The following RTN4R variants were observed in gnomAD, a reference collection of about 807,000 sequenced individuals.
The protein encoded by RTN4R is reticulon 4 receptor.
RTN4R carries 4 observed loss-of-function variants against 27.7 expected under a neutral mutation model. The observed-to-expected ratio is 0.14, with a 90% confidence interval of 0.07 to 0.33. The LOEUF is 0.33. Ranked by LOEUF, RTN4R falls within the 10% of genes least tolerant of loss-of-function variation. RTN4R has a pLI of 1.00. For missense variants in RTN4R, 554 were observed against 671.5 expected (o/e 0.83, Z 1.93); for synonymous variants, 290 against 305.6 (o/e 0.95, Z 0.53).
chr22:20,266,063 C>A (rs1388039716), intron 1 of RTN4R, among the ~76,000 whole-genome samples: 2 of 152,238 alleles, frequency 1.3e-5, no homozygotes, highest in Non-Finnish European at 2.9e-5. Context: ...GTGCTGATGG[C>A]CACCCATTCC....
intron 1 of RTN4R, among the ~76,000 whole-genome samples, chr22:20,261,608 A>G (rs2051247591): frequency 6.6e-6 from 1 of 152,210 alleles, no homozygotes; most frequent in Non-Finnish European, 1.5e-5. Flanking sequence ...CCTAACAGCC[A>G]GTCTTGAAGG....
chr22:20,242,397 G>C lies in RTN4R; in HGVS notation c.736C>G (p.Leu246Val). ...NNLSALPTEA[L>V]APLRALQYLR... ...TACTGCAGGGCACGCAGGGGGGCCA[G>C]GGCCTCAGTGGGCAGCGCTGATAGA... Residue 246 changes from leucine (L) to valine (V), a missense_variant, in exon 2 of 2, where the codon CTG (leucine) becomes GTG (valine). This residue lies in a region of RTN4R where 413 missense variants were observed against 542.3 expected (regional missense o/e 0.76). Coordinates refer to ENST00000043402, the MANE Select transcript of RTN4R (RefSeq NM_023004.6). 1.9e-6 allele frequency: 3 copies of C among 1,613,146 alleles called. No individual in the cohort carries two copies. The highest frequency in any genetic ancestry group is 2.5e-6 in the Non-Finnish European group (3 of 1,179,948).
chr22:20,243,135 A>G (rs1451377610), intron 1 of RTN4R, 25 bp from the exon 2 acceptor site: 3 of 1,595,922 alleles, frequency 1.9e-6, no homozygotes, highest in East Asian at 2.2e-5. Context: ...CAGAGTGGTT[A>G]GCAGGAAGGG....
Position 20,261,216 on chromosome 22 carries a change from T to TC in RTN4R, c.22+6854dup, listed in dbSNP as rs1439469714. 2.0e-5 allele frequency among the ~76,000 whole-genome samples: 3 copies of TC among 151,914 alleles called. No individual in the cohort carries two copies. The East Asian group carries it at 5.8e-4, about 29-fold the overall frequency. On this transcript the variant is annotated intron_variant, in intron 1 of 1. Coordinates refer to ENST00000043402, the MANE Select transcript of RTN4R (RefSeq NM_023004.6). ...TGGGCTGGTCAGAGTCCAGCCTGGATCCCCCCAGGGCAGGACAGGACAGGT... is the reference window on the plus strand; with the variant it reads ...TGGGCTGGTCAGAGTCCAGCCTGGATCCCCCCCAGGGCAGGACAGGACAGGT...
intron 1 of RTN4R, among the ~76,000 whole-genome samples, chr22:20,256,158 G>A (rs1253140386): frequency 6.6e-6 from 1 of 152,210 alleles, no homozygotes; most frequent in Non-Finnish European, 1.5e-5. Flanking sequence ...GCCAGTGGAA[G>A]GGGGTCAGCT....
intron 1 of RTN4R, among the ~76,000 whole-genome samples, chr22:20,263,016 C>T (rs996690617): frequency 6.6e-6 from 1 of 152,256 alleles, no homozygotes; most frequent in Admixed American, 6.5e-5. Context: ...TCCAGCCTGC[C>T]TAGCCCTGCC....
In RTN4R at chr22:20,268,279, GC is replaced by G. The variant is rs2051292184; in HGVS notation, c.-188del. On this transcript the variant is annotated 5_prime_UTR_variant, in exon 1 of 2. Transcript: ENST00000043402. Reference sequence around the variant, plus strand: ...GGCTCGGGCCGCGGGTGCGCAGGGCGCGCAGGGCGCACAGGGCGAGGGCGGC... The same window carrying G: ...GGCTCGGGCCGCGGGTGCGCAGGGCGGCAGGGCGCACAGGGCGAGGGCGGC... The G allele has an allele frequency of 3.3e-5, 5 of 151,088 alleles. No homozygotes were observed. The highest frequency in any genetic ancestry group is 4.9e-5 in the African/African-American group (2 of 40,770). The allele number at this position is 151,088 out of a possible 1,614,324, so 9.4% of individuals were successfully genotyped here.
chr22:20,255,499 T>C lies in RTN4R; in HGVS notation c.23-12389A>G, dbSNP rs1428003091. Among the ~76,000 whole-genome samples, 1 of 152,182 alleles carries C rather than the reference T, an allele frequency of 6.6e-6. No individual in the cohort carries two copies. The highest frequency in any genetic ancestry group is 1.5e-5 in the Non-Finnish European group (1 of 68,020). Reference sequence around the variant, plus strand: ...GATACATCTGGGTCTCCCAGGACACTATGGGCTCTTGGCCCCAGAGACTCT... The same window carrying C: ...GATACATCTGGGTCTCCCAGGACACCATGGGCTCTTGGCCCCAGAGACTCT... On this transcript the variant is annotated intron_variant, in intron 1 of 1. Coordinates refer to ENST00000043402, the MANE Select transcript of RTN4R (RefSeq NM_023004.6). The surrounding 1 kb of genome is among the most constrained non-coding windows in gnomAD (Gnocchi z 4.8).
intron 1 of RTN4R, among the ~76,000 whole-genome samples, chr22:20,248,770 GCAGGAGCC>G (rs2051157839): frequency 6.6e-6 from 1 of 152,208 alleles, no homozygotes; most frequent in South Asian, 2.1e-4. Flanking sequence ...GAGGATGTTG[GCAGGAGCC>G]CAGGAGCCCA....
intron 1 of RTN4R, among the ~76,000 whole-genome samples, chr22:20,245,768 C>A (rs1318202421): frequency 6.6e-6 from 1 of 152,192 alleles, no homozygotes; most frequent in African/African-American, 2.4e-5. Flanking sequence ...CTGCCATCAC[C>A]CCACTTTCCA....
intron 1 of RTN4R, chr22:20,243,800 C>T: frequency 3.4e-6 from 1 of 295,318 alleles, no homozygotes; most frequent in Non-Finnish European, 6.9e-6. Flanking sequence ...CCCAGCCAAC[C>T]CCTGCAGTGC....
chr22:20,264,968 C>T (rs2051268979), intron 1 of RTN4R, among the ~76,000 whole-genome samples: 1 of 152,220 alleles, frequency 6.6e-6, no homozygotes, highest in South Asian at 2.1e-4. Flanking sequence ...TGTTCATTTC[C>T]AGGTCATCCT....
chr22:20,264,822 TG>T (rs1408291560), intron 1 of RTN4R, among the ~76,000 whole-genome samples: 1 of 152,142 alleles, frequency 6.6e-6, no homozygotes, highest in Non-Finnish European at 1.5e-5. Flanking sequence ...CAGACCAGCC[TG>T]GGGGTCAGAG....
In RTN4R at chr22:20,243,079, C is replaced by T. The variant is rs41282453; in HGVS notation, c.54G>A (p.Leu18=). Residue 18 remains leucine, a synonymous_variant, in exon 2 of 2, where the codon CTG becomes CTA. Transcript: ENST00000043402. ...ATGGGGCTGCCACCTGCCAGGCCTG[C>T]AGCCACAGCACCCATGCCAGCAGCC... The part of the protein sequence containing the change: ...GSRLLAWVLW[L]QAWQVAAPCP... The T allele has an allele frequency of 5.9e-3, 9,369 of 1,600,184 alleles. 48 individuals carry two copies. The highest frequency in any genetic ancestry group is 6.8e-3 in the Non-Finnish European group (8,037 of 1,179,804).
At position 20,243,125 on chromosome 22, in the gene RTN4R, C is replaced by A. The variant is rs1157694125; in HGVS notation, c.23-15G>T. ...CAGCCGGCTCCCTGTGGGCAGAAGA[C>A]AGAGTGGTTAGCAGGAAGGGCAGGG... is the stretch of plus-strand genomic sequence containing the variant. On this transcript the variant is annotated splice_polypyrimidine_tract_variant and intron_variant, in intron 1 of 1. Coordinates refer to ENST00000043402, the MANE Select transcript of RTN4R (RefSeq NM_023004.6). 1 of 1,597,854 alleles carries A rather than the reference C, an allele frequency of 6.3e-7. No individual in the cohort carries two copies. The highest frequency in any genetic ancestry group is 1.7e-5 in the Admixed American group (1 of 59,880).
At chr22:20,244,788 A>G (rs1044635405) in intron 1 of RTN4R, among the ~76,000 whole-genome samples, 1 of 152,058 alleles carries the variant, frequency 6.6e-6, no homozygotes, top group Non-Finnish European at 1.5e-5. Context: ...TGGAGGCCCC[A>G]CATGCTCATG....
rs1004634701 is a variant in RTN4R, at chr22:20,255,342, G to C, written c.23-12232C>G. Among the ~76,000 whole-genome samples, 10 of 152,220 alleles carry C rather than the reference G, an allele frequency of 6.6e-5. No individual in the cohort carries two copies. Among genetic ancestry groups the C allele is most frequent in the African/African-American group, 2.4e-4 (10 of 41,460 alleles). ...GTAGGTTAGAAGCAGGTGTCTCCAA[G>C]GTGCAGGAGGAGAGCGAGGGACAGT... On this transcript the variant is annotated intron_variant, in intron 1 of 1. Coordinates refer to ENST00000043402, the MANE Select transcript of RTN4R (RefSeq NM_023004.6). The surrounding 1 kb of genome is among the most constrained non-coding windows in gnomAD (Gnocchi z 4.8).
At position 20,255,730 on chromosome 22, in the gene RTN4R, T is replaced by G. The variant is rs2051208461; in HGVS notation, c.22+12341A>C. 6.7e-6 allele frequency among the ~76,000 whole-genome samples: 1 copy of G among 149,486 alleles called. No homozygotes were observed. The highest frequency in any genetic ancestry group is 3.4e-3 in the Middle Eastern group (1 of 294). On this transcript the variant is annotated intron_variant, in intron 1 of 1. Coordinates refer to ENST00000043402, the MANE Select transcript of RTN4R (RefSeq NM_023004.6). This position sits in a 1 kb window ranked among gnomAD's most constrained non-coding sequence, Gnocchi z 4.8. Reference sequence around the variant, plus strand: ...TCCTGTCCCCTCCTTGTCACAGATCTGAGCCCCCCACTCCAGGCTGGGGCC... The same window carrying G: ...TCCTGTCCCCTCCTTGTCACAGATCGGAGCCCCCCACTCCAGGCTGGGGCC...
At chr22:20,248,252 C>T (rs904367606) in intron 1 of RTN4R, among the ~76,000 whole-genome samples, 1 of 152,202 alleles carries the variant, frequency 6.6e-6, no homozygotes, top group African/African-American at 2.4e-5. Flanking sequence ...AAAATAATAA[C>T]AAGTAAAGCA....
Sources: gnomAD v4.1 joint callset for allele counts (sites outside exome capture counted in the v4.1 genomes callset) on GRCh38, gnomAD v4.1.1 for gene constraint, gnomAD v4.1.1 regional missense constraint, Gnocchi (gnomAD v3.1) non-coding constraint, MANE v1.5 for transcripts, NCBI Gene and HGNC (gene_info 2026-07-23, HGNC 2026-07-21) for gene names.